Variants in RFX8 observed in about 807,000 individuals in gnomAD.
RFX8 encodes the protein regulatory factor X8, also known as DNA-binding protein RFX8.
Under a neutral mutation model 54.6 loss-of-function variants are expected in RFX8, and 46 were observed. The observed-to-expected ratio is 0.84, with a 90% confidence interval of 0.67 to 1.08. The LOEUF (loss-of-function observed/expected upper bound fraction) is 1.08. Among genes scored for constraint, RFX8 ranks in the 50% least tolerant of loss-of-function variants. The pLI, the probability that RFX8 is intolerant of heterozygous loss-of-function variation, is 0.00. For missense variants in RFX8, 536 were observed against 562.3 expected, an observed-to-expected ratio of 0.95 and a Z score of 0.47; for synonymous variants, 192 against 209.5, an observed-to-expected ratio of 0.92 and a Z score of 0.72.
In RFX8 at chr2:101,469,075, TATAA is replaced by T. The variant is rs1558896686; in HGVS notation, c.-52-2179_-52-2176del. Among the ~76,000 whole-genome samples, 12 of 8,584 alleles carry T rather than the reference TATAA, an allele frequency of 1.4e-3. 2 individuals carry two copies. The highest frequency in any genetic ancestry group is 5.3e-3 in the African/African-American group (9 of 1,684). The allele number at this position is 8,584 out of a possible 152,430, so 5.6% of individuals were successfully genotyped here. On this transcript the variant is annotated intron_variant, in intron 1 of 11. Coordinates refer to ENST00000428343, the MANE Select transcript of RFX8 (RefSeq NM_001145664.2). ...ATATACGTATATATATGTATATATA[TATAA>T]GTGTATATATATAAGTATATATATA...
chr2:101,469,116 A>ATG (rs1558897067), intron 1 of RFX8, among the ~76,000 whole-genome samples: 5 of 121,392 alleles, frequency 4.1e-5, no homozygotes, highest in Non-Finnish European at 6.9e-5. Context: ...AAGTGTATAT[A>ATG]TATATAAGTA....
chr2:101,451,129 C>T (rs548103494), intron 2 of RFX8, among the ~76,000 whole-genome samples: 6 of 152,264 alleles, frequency 3.9e-5, no homozygotes, highest in East Asian at 1.9e-4. Context: ...CACCTTCCTC[C>T]GCTAAGCCCA....
intron 10 of RFX8, among the ~76,000 whole-genome samples, chr2:101,404,211 G>A (rs982421295): frequency 2.1e-4 from 32 of 152,176 alleles, no homozygotes; most frequent in Admixed American, 2.1e-3. Context: ...TTTTCCCTGA[G>A]TAGTGTTCTA....
chr2:101,457,395 G>A (rs1194415035), intron 2 of RFX8, among the ~76,000 whole-genome samples: 2 of 152,072 alleles, frequency 1.3e-5, no homozygotes, highest in African/African-American at 4.8e-5. Flanking sequence ...CAGAGATTCT[G>A]GTACATTGTG....
chr2:101,449,484 G>A (rs565859745), intron 2 of RFX8, among the ~76,000 whole-genome samples: 66 of 152,212 alleles, frequency 4.3e-4, no homozygotes, highest in African/African-American at 1.5e-3. Flanking sequence ...AGTTAACAAG[G>A]CTTTGTGACC....
chr2:101,443,400 A>G (rs150145113), intron 2 of RFX8, among the ~76,000 whole-genome samples: 139 of 152,342 alleles, frequency 9.1e-4, no homozygotes, highest in African/African-American at 3.3e-3. Flanking sequence ...AGGCACAATC[A>G]TATAATCAGG....
At chr2:101,427,555 G>A (rs1687247929) in intron 2 of RFX8, among the ~76,000 whole-genome samples, 1 of 152,148 alleles carries the variant, frequency 6.6e-6, no homozygotes, top group Non-Finnish European at 1.5e-5. Flanking sequence ...TGGTAAGAAT[G>A]GTGTTGAAAT....
chr2:101,440,924 GT>G (rs1688062517), intron 2 of RFX8, among the ~76,000 whole-genome samples: 4 of 147,662 alleles, frequency 2.7e-5, no homozygotes, highest in South Asian at 4.3e-4. Context: ...TAAGGTCCTT[GT>G]TATGGTTTGA....
At chr2:101,441,170 C>A (rs1333364782) in intron 2 of RFX8, among the ~76,000 whole-genome samples, 2 of 152,104 alleles carry the variant, frequency 1.3e-5, no homozygotes, top group Admixed American at 1.3e-4. Flanking sequence ...CGGGGTTTCA[C>A]CGTGTTAGCC....
At chr2:101,430,509 A>G (rs1288150905) in intron 2 of RFX8, among the ~76,000 whole-genome samples, 5 of 152,228 alleles carry the variant, frequency 3.3e-5, no homozygotes, top group Non-Finnish European at 7.3e-5. Context: ...CCATGTGAAC[A>G]AAGAAAAGAA....
chr2:101,473,015 T>C (rs895128333), intron 1 of RFX8, among the ~76,000 whole-genome samples: 4 of 150,318 alleles, frequency 2.7e-5, no homozygotes, highest in African/African-American at 9.8e-5. Context: ...CAAGACTCTG[T>C]CACAAAAAAA....
chr2:101,441,533 C>G (rs973678873), intron 2 of RFX8, among the ~76,000 whole-genome samples: 1 of 152,154 alleles, frequency 6.6e-6, no homozygotes, highest in Non-Finnish European at 1.5e-5. Flanking sequence ...CTGGATGTGG[C>G]CCCTTGAACT....
chr2:101,410,893 C>T (rs772905211), intron 8 of RFX8, among the ~76,000 whole-genome samples, 180 bp from the exon 9 acceptor site: 3 of 152,314 alleles, frequency 2.0e-5, no homozygotes, highest in African/African-American at 4.8e-5. Flanking sequence ...GTCACTTCTG[C>T]GGTCATCTAT....
rs1285079201 is a variant in RFX8, at chr2:101,397,679, T to C, written c.1291A>G (p.Lys431Glu). ...TCTTGTCCCATAGGAAGGCTGAGTT[T>C]AACTGCGCTTTCAGTGGTTTCATCT... Reference protein sequence around the residue: ...LEDETTESAVKLSLPMGQEAL... With the variant: ...LEDETTESAVELSLPMGQEAL... Residue 431 changes from lysine (K) to glutamate (E), a missense_variant, in exon 12 of 12, where the codon AAA (lysine) becomes GAA (glutamate). By Grantham distance (56) the Lys-to-Glu change is moderately conservative (BLOSUM62 1). Coordinates refer to ENST00000428343, the MANE Select transcript of RFX8 (RefSeq NM_001145664.2). The C allele has an allele frequency of 6.4e-7, 1 of 1,551,230 alleles. No homozygotes were observed. The highest frequency in any genetic ancestry group is 8.7e-7 in the Non-Finnish European group (1 of 1,146,836).
Position 101,417,665 on chromosome 2 carries a change from A to C in RFX8, c.371T>G (p.Leu124Arg), listed in dbSNP as rs767128155. ...QLYKGIEDVL[L>R]HDFLEDVSIQ... Reference sequence around the variant, plus strand: ...AGAAACATCTTCCAAGAAGTCATGAAGGAGAACATCCTCAATTCCCTACAA... The same window carrying C: ...AGAAACATCTTCCAAGAAGTCATGACGGAGAACATCCTCAATTCCCTACAA... The change falls in exon 6 of 12, where the codon CTT becomes CGT. Residue 124 changes from leucine to arginine, a missense_variant. Leu to Arg is a moderately radical substitution (Grantham distance 102). Transcript: ENST00000428343. 6.5e-7 allele frequency: 1 copy of C among 1,549,170 alleles called. No individual in the cohort carries two copies. The highest frequency in any genetic ancestry group is 1.2e-5 in the South Asian group (1 of 83,404).
chr2:101,453,472 T>C (rs1255527190), intron 2 of RFX8, among the ~76,000 whole-genome samples: 1 of 151,782 alleles, frequency 6.6e-6, no homozygotes, highest in Non-Finnish European at 1.5e-5. Context: ...AACCCGTCTC[T>C]ACTAAAAATA....
At position 101,402,415 on chromosome 2, in the gene RFX8, AG is replaced by A. The variant is rs1233360881; in HGVS notation, c.1245+20del. On this transcript the variant is annotated intron_variant, in intron 11 of 11. Coordinates refer to ENST00000428343, the MANE Select transcript of RFX8 (RefSeq NM_001145664.2). ...ATTCCCCTTGAAACAGCTGTGTGGA[AG>A]GGGGTCCTGGTGTCCCTACCTTATT... 4 of 1,525,164 alleles carry A rather than the reference AG, an allele frequency of 2.6e-6. No individual in the cohort carries two copies. The highest frequency in any genetic ancestry group is 3.4e-4 in the Middle Eastern group (2 of 5,850). 94.5% of individuals were successfully genotyped at this position (1,525,164 alleles called of 1,614,324 possible).
rs372343310 is a variant in RFX8 at position 101,403,568 on chromosome 2, C to T, written c.929-816G>A. The stretch of plus-strand genomic sequence containing the variant: ...TTTGGAGGCCGAGGCGGGCAGATCA[C>T]GAAGTCAGGAGATCGAGACCATCCC... On this transcript the variant is annotated intron_variant, in intron 10 of 11. Coordinates refer to ENST00000428343, the MANE Select transcript of RFX8 (RefSeq NM_001145664.2). Among the ~76,000 whole-genome samples the T allele has an allele frequency of 6.5e-4, 99 of 152,294 alleles. 1 individual carries two copies. The East Asian group carries it at 0.018, about 27-fold the overall frequency.
At chr2:101,437,744 A>C (rs546870745) in intron 2 of RFX8, among the ~76,000 whole-genome samples, 5 of 149,630 alleles carry the variant, frequency 3.3e-5, no homozygotes, top group Admixed American at 2.7e-4. Context: ...CCAGATACTG[A>C]CGTTGATACA....
Sources: gnomAD v4.1 joint callset for allele counts (sites outside exome capture counted in the v4.1 genomes callset) on GRCh38, gnomAD v4.1.1 for gene constraint, MANE v1.5 for transcripts, NCBI Gene and HGNC (gene_info 2026-07-23, HGNC 2026-07-21) for gene names.